The following ST6GALNAC5 variants were observed in gnomAD, a reference collection of about 807,000 sequenced individuals.
ST6GALNAC5 encodes alpha-N-acetylgalactosaminide alpha-2,6-sialyltransferase 5.
In ST6GALNAC5, 27 loss-of-function variants were observed where a neutral mutation model predicts 33.6. The observed-to-expected ratio is 0.80, with a 90% CI of 0.59 to 1.11. ST6GALNAC5 has a LOEUF of 1.11. Among genes scored for constraint, ST6GALNAC5 ranks in the 50% least tolerant of loss-of-function variants. The pLI, the probability that ST6GALNAC5 is intolerant of heterozygous loss-of-function variation, is 0.00. For missense variants in ST6GALNAC5, 428 were observed against 454.0 expected, an observed-to-expected ratio of 0.94 and a Z score of 0.52; for synonymous variants, 194 against 171.2, an observed-to-expected ratio of 1.13 and a Z score of -1.04.
intron 2 of ST6GALNAC5, among the ~76,000 whole-genome samples, chr1:77,006,929 G>A (rs1650442018): frequency 1.3e-5 from 2 of 152,160 alleles, no homozygotes; most frequent in African/African-American, 2.4e-5. Context: ...TGAAGCAATG[G>A]CGTGACTAGG....
At chr1:76,917,663 T>C (rs1646989565) in intron 2 of ST6GALNAC5, among the ~76,000 whole-genome samples, 2 of 151,272 alleles carry the variant, frequency 1.3e-5, no homozygotes, top group Admixed American at 1.3e-4. Flanking sequence ...AAAATATATA[T>C]TTATATTTGT....
In ST6GALNAC5 at chr1:77,005,149, G is replaced by A. The variant is rs917594819; in HGVS notation, c.262-39055G>A. Reference sequence around the variant, plus strand: ...CTGTGCTAGCAATCAGCGAGACTCCGTGGGGTAGTACCCTCCAAGCCAGGT... The same window carrying A: ...CTGTGCTAGCAATCAGCGAGACTCCATGGGGTAGTACCCTCCAAGCCAGGT... On this transcript the variant is annotated intron_variant, in intron 2 of 4. Transcript: ENST00000477717. Among the ~76,000 whole-genome samples, 8 of 152,350 alleles carry A rather than the reference G, an allele frequency of 5.3e-5. No homozygotes were observed. In the East Asian group the frequency reaches 7.7e-4, roughly 15 times the overall value.
At chr1:76,925,216 C>T (rs758348217) in intron 2 of ST6GALNAC5, among the ~76,000 whole-genome samples, 2 of 152,074 alleles carry the variant, frequency 1.3e-5, no homozygotes, top group African/African-American at 4.8e-5. Flanking sequence ...CATGAGGGAT[C>T]TGCCCCCACG....
intron 2 of ST6GALNAC5, among the ~76,000 whole-genome samples, chr1:76,898,102 C>A (rs1418029080): frequency 2.0e-5 from 3 of 152,172 alleles, no homozygotes; most frequent in Admixed American, 2.0e-4. Context: ...GTTCCAGGGG[C>A]TCTGGGAGTG....
At chr1:77,016,572 A>T (rs1650861227) in intron 2 of ST6GALNAC5, among the ~76,000 whole-genome samples, 1 of 151,760 alleles carries the variant, frequency 6.6e-6, no homozygotes, top group East Asian at 2.0e-4. Context: ...TGATCTGATC[A>T]AAGTCACTTG....
intron 2 of ST6GALNAC5, among the ~76,000 whole-genome samples, chr1:76,876,182 C>A (rs767957725): frequency 3.9e-5 from 6 of 152,178 alleles, no homozygotes; most frequent in Non-Finnish European, 7.3e-5. Flanking sequence ...ATATAATCAA[C>A]CTGCCACCAG....
chr1:77,014,812 TG>T (rs1650763070), intron 2 of ST6GALNAC5, among the ~76,000 whole-genome samples: 1 of 152,178 alleles, frequency 6.6e-6, no homozygotes, highest in African/African-American at 2.4e-5. Context: ...CTGGGAAATG[TG>T]GCCATATGAA....
intron 2 of ST6GALNAC5, among the ~76,000 whole-genome samples, chr1:77,035,619 A>G (rs1193717138): frequency 3.3e-5 from 5 of 152,190 alleles, no homozygotes; most frequent in African/African-American, 9.6e-5. Context: ...AGGGTGGGGC[A>G]TAGTAGATGC....
chr1:77,063,926 C>T lies in ST6GALNAC5; in HGVS notation c.*720C>T, dbSNP rs934263953. On this transcript the variant is annotated 3_prime_UTR_variant, in exon 5 of 5. Transcript: ENST00000477717. ...AAGTGTTGTGTTGTATTTTTTGAAC[C>T]CCTAGGCTTCAGGAAAACTGCTCTT... 2.0e-5 allele frequency: 3 copies of T among 152,402 alleles called. No individual in the cohort carries two copies. Among genetic ancestry groups the T allele is most frequent in the African/African-American group, 7.3e-5 (3 of 41,372 alleles). The allele number at this position is 152,402 out of a possible 1,614,324, so 9.4% of individuals were successfully genotyped here.
chr1:76,963,163 G>C (rs1398675690), intron 2 of ST6GALNAC5, among the ~76,000 whole-genome samples: 3 of 152,192 alleles, frequency 2.0e-5, no homozygotes, highest in Admixed American at 2.0e-4. Flanking sequence ...ATAGTAAAGA[G>C]AGATTGCCTG....
chr1:76,922,481 G>T (rs1647043353), intron 2 of ST6GALNAC5, among the ~76,000 whole-genome samples: 1 of 152,064 alleles, frequency 6.6e-6, no homozygotes. Flanking sequence ...ATACAAGCAA[G>T]ATATTTTTGG....
At chr1:77,033,716 G>A (rs1014534868) in intron 2 of ST6GALNAC5, among the ~76,000 whole-genome samples, 1 of 152,148 alleles carries the variant, frequency 6.6e-6, no homozygotes, top group African/African-American at 2.4e-5. Flanking sequence ...GAACAACTGG[G>A]AAAGCAAAGG....
rs148835538 is a variant in ST6GALNAC5 at position 77,067,131 on chromosome 1, G to A, written c.*3925G>A. Among the ~76,000 whole-genome samples the A allele has an allele frequency of 2.7e-4, 40 of 149,222 alleles. No homozygotes were observed. Among genetic ancestry groups the A allele is most frequent in the African/African-American group, 9.3e-4 (37 of 39,818 alleles). ...GTGGCTCACCCTATCAGAAGGCCACGTCAAAGAGAACTATAATAATAAGCC... is the reference window on the plus strand; with the variant it reads ...GTGGCTCACCCTATCAGAAGGCCACATCAAAGAGAACTATAATAATAAGCC... On this transcript the variant is annotated 3_prime_UTR_variant, in exon 5 of 5. Coordinates refer to ENST00000477717, the MANE Select transcript of ST6GALNAC5 (RefSeq NM_030965.3).
chr1:77,015,588 A>G (rs1650800495), intron 2 of ST6GALNAC5, among the ~76,000 whole-genome samples: 1 of 152,158 alleles, frequency 6.6e-6, no homozygotes, highest in African/African-American at 2.4e-5. Context: ...AGTGGAGGAG[A>G]CAGACCTGAA....
intron 2 of ST6GALNAC5, among the ~76,000 whole-genome samples, chr1:76,950,892 A>T (rs1345968868): frequency 1.3e-5 from 2 of 152,116 alleles, no homozygotes; most frequent in East Asian, 3.9e-4. Context: ...CAAGTGTAAA[A>T]TGCTTAGTAG....
chr1:76,986,913 A>G (rs1557749478), intron 2 of ST6GALNAC5, among the ~76,000 whole-genome samples: 1 of 152,218 alleles, frequency 6.6e-6, no homozygotes. Flanking sequence ...AAACTATCCC[A>G]AGGACAGAAA....
chr1:76,981,205 C>T (rs1376105054), intron 2 of ST6GALNAC5, among the ~76,000 whole-genome samples: 3 of 152,190 alleles, frequency 2.0e-5, no homozygotes, highest in African/African-American at 7.2e-5. Context: ...ACCAGGGAAG[C>T]ATGAGGGGTC....
chr1:77,015,050 AAC>A (rs5775372), intron 2 of ST6GALNAC5, among the ~76,000 whole-genome samples: 3,079 of 122,290 alleles, frequency 0.025, 73 homozygotes, highest in African/African-American at 0.078. Flanking sequence ...CTCGCACACA[AAC>A]ACACACACAC....
At chr1:77,018,920 AATGGC>A (rs1479321475) in intron 2 of ST6GALNAC5, among the ~76,000 whole-genome samples, 1 of 152,230 alleles carries the variant, frequency 6.6e-6, no homozygotes, top group Non-Finnish European at 1.5e-5. Flanking sequence ...AACAGATGCA[AATGGC>A]ATTTCACAAG....
Sources: gnomAD v4.1 joint callset for allele counts (sites outside exome capture counted in the v4.1 genomes callset) on GRCh38, gnomAD v4.1.1 for gene constraint, MANE v1.5 for transcripts, NCBI Gene and HGNC (gene_info 2026-07-23, HGNC 2026-07-21) for gene names.